C8orf34: variants seen among roughly 807,000 people sequenced by gnomAD.
C8orf34 encodes chromosome 8 open reading frame 34, also known as uncharacterized protein C8orf34.
C8orf34 carries 65 observed loss-of-function variants against 68.3 expected under a neutral mutation model. The observed-to-expected ratio is 0.95, with a 90% CI of 0.78 to 1.17. The LOEUF (loss-of-function observed/expected upper bound fraction) is 1.17. C8orf34 is among the 50% of genes most tolerant of loss of function. The probability of loss-of-function intolerance (pLI) is 0.00; values close to 1 mark genes in which losing one functional copy is unlikely to be tolerated. For synonymous variants in C8orf34, 244 were observed against 241.2 expected (o/e 1.01, Z -0.11); for missense variants, 664 against 655.4 (o/e 1.01, Z -0.14).
chr8:68,692,271 G>A (rs1051747594), intron 8 of C8orf34, among the ~76,000 whole-genome samples: 1 of 152,008 alleles, frequency 6.6e-6, no homozygotes, highest in Non-Finnish European at 1.5e-5. Context: ...GATAGGTTCA[G>A]GATGACTGCT....
intron 7 of C8orf34, among the ~76,000 whole-genome samples, chr8:68,562,533 A>G (rs1283331600): frequency 6.6e-6 from 1 of 152,230 alleles, no homozygotes; most frequent in Non-Finnish European, 1.5e-5. Flanking sequence ...AGTTCCAACA[A>G]GCACAGTTAC....
chr8:68,657,910 G>A (rs1036889658), intron 8 of C8orf34, among the ~76,000 whole-genome samples: 14 of 152,172 alleles, frequency 9.2e-5, no homozygotes, highest in Admixed American at 5.9e-4. Flanking sequence ...TTCCTGGCTC[G>A]ATGGCCTAGT....
intron 1 of C8orf34, among the ~76,000 whole-genome samples, chr8:68,388,817 A>C (rs189217740): frequency 6.6e-6 from 1 of 152,264 alleles, no homozygotes; most frequent in East Asian, 1.9e-4. Flanking sequence ...AATTTGGTAG[A>C]TGTAAAGTGG....
At chr8:68,509,749 C>T (rs1814180809) in intron 5 of C8orf34, among the ~76,000 whole-genome samples, 1 of 152,250 alleles carries the variant, frequency 6.6e-6, no homozygotes, top group Admixed American at 6.5e-5. Context: ...TAGCAGATAC[C>T]TGGGGTAAGT....
chr8:68,721,471 G>T, intron 10 of C8orf34, 34 bp downstream of exon 10: 1 of 1,369,964 alleles, frequency 7.3e-7, no homozygotes, highest in East Asian at 2.3e-5. Context: ...TTTTTTAATT[G>T]CTAAAACTAA....
At chr8:68,426,600 A>G (rs932043072) in intron 1 of C8orf34, among the ~76,000 whole-genome samples, 1 of 151,766 alleles carries the variant, frequency 6.6e-6, no homozygotes, top group Non-Finnish European at 1.5e-5. Context: ...TTTCCAAATT[A>G]CATATCCAAC....
chr8:68,716,148 A>T (rs1214140539), intron 9 of C8orf34, among the ~76,000 whole-genome samples: 1 of 151,760 alleles, frequency 6.6e-6, no homozygotes, highest in Admixed American at 6.6e-5. Context: ...GATATATTGG[A>T]CTTTGCGGAC....
chr8:68,551,375 T>G (rs1181127607), intron 7 of C8orf34, among the ~76,000 whole-genome samples: 1 of 152,014 alleles, frequency 6.6e-6, no homozygotes, highest in Non-Finnish European at 1.5e-5. Context: ...TTTCTTAGAA[T>G]TTTGCTCTCT....
chr8:68,359,864 G>A (rs1209779908), intron 1 of C8orf34, among the ~76,000 whole-genome samples: 1 of 152,154 alleles, frequency 6.6e-6, no homozygotes, highest in African/African-American at 2.4e-5. Context: ...GAATTATGTT[G>A]AGCCTCATTC....
At chr8:68,423,787 A>G (rs1332318670) in intron 1 of C8orf34, among the ~76,000 whole-genome samples, 1 of 152,170 alleles carries the variant, frequency 6.6e-6, no homozygotes, top group African/African-American at 2.4e-5. Context: ...CTCACAGTTC[A>G]ACATGACTGG....
intron 7 of C8orf34, among the ~76,000 whole-genome samples, chr8:68,558,421 T>G (rs190622468): frequency 6.6e-6 from 1 of 152,244 alleles, no homozygotes; most frequent in Admixed American, 6.5e-5. Context: ...GAAATATACC[T>G]CTCTTACAAT....
chr8:68,772,798 C>A (rs28620944), intron 10 of C8orf34, among the ~76,000 whole-genome samples: 1 of 147,254 alleles, frequency 6.8e-6, no homozygotes, highest in Non-Finnish European at 1.5e-5. Flanking sequence ...TCCCTCCCTC[C>A]CTCCTTTCTT....
intron 1 of C8orf34, among the ~76,000 whole-genome samples, chr8:68,430,866 T>A (rs1360841295): frequency 6.6e-6 from 1 of 152,058 alleles, no homozygotes; most frequent in Non-Finnish European, 1.5e-5. Context: ...CAACCCCTCT[T>A]CTCTAAACAT....
intron 1 of C8orf34, among the ~76,000 whole-genome samples, chr8:68,333,301 C>G (rs1368155917): frequency 6.6e-6 from 1 of 152,030 alleles, no homozygotes; most frequent in African/African-American, 2.4e-5. Context: ...GTCCCCTCAC[C>G]AAAAAACAAG....
intron 1 of C8orf34, among the ~76,000 whole-genome samples, chr8:68,347,757 GTCT>G (rs1176385870): frequency 6.6e-6 from 1 of 151,814 alleles, no homozygotes; most frequent in Non-Finnish European, 1.5e-5. Context: ...CCACATTTAT[GTCT>G]TCTTTTGAGA....
At chr8:68,365,012 GAA>G (rs1014059634) in intron 1 of C8orf34, among the ~76,000 whole-genome samples, 4 of 150,626 alleles carry the variant, frequency 2.7e-5, no homozygotes, top group African/African-American at 9.8e-5. Context: ...GATTAATAAA[GAA>G]AAAAAGAGAG....
In C8orf34 at chr8:68,501,260, A is replaced by G. The variant is rs538806734; in HGVS notation, c.765+13209A>G. Reference sequence around the variant, plus strand: ...ATGACCTTGGATGTGGACACAGCCAACAACCATCTCACCATTTCTGAAGAC... The same window carrying G: ...ATGACCTTGGATGTGGACACAGCCAGCAACCATCTCACCATTTCTGAAGAC... On this transcript the variant is annotated intron_variant, in intron 5 of 13. Coordinates refer to ENST00000518698, the MANE Select transcript of C8orf34 (RefSeq NM_052958.4). 1.3e-4 allele frequency among the ~76,000 whole-genome samples: 20 copies of G among 152,310 alleles called. No homozygotes were observed. The South Asian group carries it at 3.7e-3, about 28-fold the overall frequency.
At chr8:68,700,648 C>T (rs1046915269) in intron 8 of C8orf34, among the ~76,000 whole-genome samples, 1 of 152,036 alleles carries the variant, frequency 6.6e-6, no homozygotes, top group Non-Finnish European at 1.5e-5. Context: ...CTTCAGGAAG[C>T]CTGCAAAGTA....
chr8:68,603,740 T>C (rs1002489671), intron 7 of C8orf34, among the ~76,000 whole-genome samples: 2 of 152,070 alleles, frequency 1.3e-5, no homozygotes, highest in African/African-American at 4.8e-5. Flanking sequence ...GATATGAGTA[T>C]AGGTATTGGC....
Sources: allele counts gnomAD v4.1 joint callset (sites outside exome capture counted in the v4.1 genomes callset), GRCh38; gene constraint gnomAD v4.1.1; transcripts MANE v1.5; gene names NCBI Gene and HGNC (gene_info 2026-07-23, HGNC 2026-07-21).